LIFR: variants seen among roughly 807,000 people sequenced by gnomAD.
LIFR encodes the protein LIF receptor subunit alpha.
LIFR carries 84 observed loss-of-function variants against 122.2 expected under a neutral mutation model. The observed-to-expected ratio is 0.69, with a 90% CI of 0.58 to 0.82. The LOEUF is 0.82. LIFR is among the 40% of genes least tolerant of loss of function. The probability of loss-of-function intolerance (pLI) is 0.00; values close to 1 mark genes in which losing one functional copy is unlikely to be tolerated. For missense variants in LIFR, 1,294 were observed against 1,311.6 expected, an observed-to-expected ratio of 0.99 and a Z score of 0.21; for synonymous variants, 422 against 434.7, an observed-to-expected ratio of 0.97 and a Z score of 0.36.
chr5:38,520,752 T>C (rs985871349), intron 5 of LIFR, among the ~76,000 whole-genome samples: 1 of 152,172 alleles, frequency 6.6e-6, no homozygotes, highest in African/African-American at 2.4e-5. Flanking sequence ...TATAAAAACA[T>C]AGTTATTTCT....
intron 14 of LIFR, chr5:38,490,885 T>C (rs1311802343): frequency 6.6e-6 from 1 of 152,216 alleles, no homozygotes. Context: ...TTGATTTTAA[T>C]GAACAAAATG....
chr5:38,573,465 G>T (rs1360153199), intron 1 of LIFR, among the ~76,000 whole-genome samples: 5 of 152,216 alleles, frequency 3.3e-5, no homozygotes, highest in African/African-American at 1.2e-4. Context: ...TTGATGCATA[G>T]TAAGCATTCA....
At chr5:38,520,088 C>T (rs922929573) in intron 5 of LIFR, among the ~76,000 whole-genome samples, 2 of 152,134 alleles carry the variant, frequency 1.3e-5, no homozygotes, top group African/African-American at 4.8e-5. Context: ...TTCCCAGTCG[C>T]ATTGTATAAG....
In LIFR at chr5:38,503,871, C is replaced by G. The variant is rs941215040; in HGVS notation, c.1437+105G>C. On this transcript the variant is annotated intron_variant, in intron 10 of 19. Coordinates refer to ENST00000453190, the MANE Select transcript of LIFR (RefSeq NM_001127671.2). ...GTCTTTCTTGGTTCTTAGTAAATCTCTATAATAAATAATCTGAGAGCTTAA... is the reference window on the plus strand; with the variant it reads ...GTCTTTCTTGGTTCTTAGTAAATCTGTATAATAAATAATCTGAGAGCTTAA... 7 of 822,332 alleles carry G rather than the reference C, an allele frequency of 8.5e-6. No individual in the cohort carries two copies. The African/African-American group carries it at 8.6e-5, about 10-fold the overall frequency. The allele number at this position is 822,332 out of a possible 1,614,324, so 50.9% of individuals were successfully genotyped here.
At position 38,510,469 on chromosome 5, in the gene LIFR, G is replaced by A. The variant is rs1198392723; in HGVS notation, c.986C>T (p.Ala329Val). 1 of 1,612,160 alleles carries A rather than the reference G, an allele frequency of 6.2e-7. No homozygotes were observed. The highest frequency in any genetic ancestry group is 1.7e-5 in the Admixed American group (1 of 59,992). The change falls in exon 7 of 20, where the codon GCT (alanine) becomes GTT (valine). Residue 329 changes from alanine to valine, a missense_variant. Physicochemically the swap from Ala to Val is moderately conservative, Grantham distance 64. Transcript: ENST00000453190. ...CTTTAAAATCATATACTTACATCCAGCAAAAATAACGGTTCCAAATATGTT... is the reference window on the plus strand; with the variant it reads ...CTTTAAAATCATATACTTACATCCAACAAAAATAACGGTTCCAAATATGTT... ...EDNIFGTVIF[A>V]GYPPDTPQQL...
chr5:38,483,488 C>CAG (rs1488058286), intron 18 of LIFR, among the ~76,000 whole-genome samples: 3 of 151,922 alleles, frequency 2.0e-5, no homozygotes, highest in African/African-American at 7.3e-5. Context: ...GTGGTGCAAT[C>CAG]TTGACTCACT....
chr5:38,487,832 ATCCTC>A (rs1744371948), intron 16 of LIFR, among the ~76,000 whole-genome samples: 1 of 152,172 alleles, frequency 6.6e-6, no homozygotes, highest in African/African-American at 2.4e-5. Flanking sequence ...GACCAGATTG[ATCCTC>A]ACCACTCAGC....
intron 13 of LIFR, 105 bp downstream of exon 13, chr5:38,496,277 C>CGAG: frequency 1.1e-6 from 1 of 903,198 alleles, no homozygotes; most frequent in South Asian, 1.3e-5. Flanking sequence ...TCAGCAGCAA[C>CGAG]AAGGTATACG....
chr5:38,478,655 A>G lies in LIFR; in HGVS notation c.*2940T>C. 5.1e-6 allele frequency: 1 copy of G among 197,044 alleles called. No homozygotes were observed. The highest frequency in any genetic ancestry group is 1.1e-5 in the Non-Finnish European group (1 of 94,570). 12.2% of individuals were successfully genotyped at this position (197,044 alleles called of 1,614,324 possible). On this transcript the variant is annotated 3_prime_UTR_variant, in exon 20 of 20. Coordinates refer to ENST00000453190, the MANE Select transcript of LIFR (RefSeq NM_001127671.2). ...GGTCACTCATAAAAGAAATGTAGTC[A>G]TAATAAGCCCCATAATGATCTCCAT...
rs1234256365 is a variant in LIFR, at chr5:38,511,830, G to C, written c.696C>G (p.Leu232=). The change falls in exon 6 of 20, where the codon CTC becomes CTG. Residue 232 remains leucine, a synonymous_variant. Coordinates refer to ENST00000453190, the MANE Select transcript of LIFR (RefSeq NM_001127671.2). ...CAGGGCTCCAGTCACTCCACTCTTC[G>C]AGACCAGAAAAATGAAGATTGTCAA... ...CYIDNLHFSG[L]EEWSDWSPVK... 1 of 1,613,910 alleles carries C rather than the reference G, an allele frequency of 6.2e-7. No individual in the cohort carries two copies. The highest frequency in any genetic ancestry group is 8.5e-7 in the Non-Finnish European group (1 of 1,179,944).
chr5:38,529,815 C>G (rs1247418340), intron 2 of LIFR, among the ~76,000 whole-genome samples: 1 of 151,926 alleles, frequency 6.6e-6, no homozygotes, highest in Admixed American at 6.6e-5. Context: ...ATTTATATGA[C>G]AGAAAAACAA....
chr5:38,521,142 C>G (rs1746375788), intron 5 of LIFR, among the ~76,000 whole-genome samples: 1 of 152,066 alleles, frequency 6.6e-6, no homozygotes, highest in Non-Finnish European at 1.5e-5. Flanking sequence ...AGAGATCTTC[C>G]AACTACTTGG....
intron 1 of LIFR, among the ~76,000 whole-genome samples, chr5:38,551,909 T>C (rs979851739): frequency 1.3e-5 from 2 of 152,164 alleles, no homozygotes; most frequent in African/African-American, 4.8e-5. Flanking sequence ...TAAGACAAAT[T>C]TGCAATTCCC....
At chr5:38,570,018 T>C (rs1244893961) in intron 1 of LIFR, among the ~76,000 whole-genome samples, 1 of 152,288 alleles carries the variant, frequency 6.6e-6, no homozygotes, top group Admixed American at 6.5e-5. Context: ...CTAGATGATA[T>C]CCTGAGTGGC....
chr5:38,550,778 A>T (rs1748159287), intron 1 of LIFR, among the ~76,000 whole-genome samples: 1 of 152,144 alleles, frequency 6.6e-6, no homozygotes, highest in African/African-American at 2.4e-5. Context: ...CCTGCACTTA[A>T]AGAGTCCGAA....
At chr5:38,495,740 C>T (rs550365434) in intron 13 of LIFR, among the ~76,000 whole-genome samples, 1 of 152,014 alleles carries the variant, frequency 6.6e-6, no homozygotes, top group Non-Finnish European at 1.5e-5. Context: ...TGGAAGTGGC[C>T]GTTTAAAGCT....
chr5:38,592,851 C>T (rs897785645), intron 1 of LIFR, among the ~76,000 whole-genome samples: 29 of 152,000 alleles, frequency 1.9e-4, no homozygotes, highest in African/African-American at 6.8e-4. Flanking sequence ...TAGTAGCTGA[C>T]TATTTCAGCA....
intron 1 of LIFR, among the ~76,000 whole-genome samples, chr5:38,594,409 G>C (rs774794891): frequency 3.3e-5 from 5 of 152,092 alleles, no homozygotes. Flanking sequence ...TGCACAACAC[G>C]AAGAGTATAC....
Position 38,482,657 on chromosome 5 carries a change from T to C in LIFR, c.2602A>G (p.Thr868Ala). 1 of 1,411,094 alleles carries C rather than the reference T, an allele frequency of 7.1e-7. No homozygotes were observed. The highest frequency in any genetic ancestry group is 9.7e-7 in the Non-Finnish European group (1 of 1,027,656). 87.4% of individuals were successfully genotyped at this position (1,411,094 alleles called of 1,614,324 possible). ...GGATTTGGAATATCAGGGTAGAAGG[T>C]TTCTTTAATCCTTTAAATAAAAAAT... is the stretch of plus-strand genomic sequence containing the variant. ...CYRKREWIKE[T>A]FYPDIPNPEN... The change falls in exon 19 of 20, where the codon ACC becomes GCC. Residue 868 changes from threonine to alanine, a missense_variant. By Grantham distance (58) the Thr-to-Ala change is moderately conservative. Coordinates refer to ENST00000453190, the MANE Select transcript of LIFR (RefSeq NM_001127671.2).
Sources: gnomAD v4.1 joint callset for allele counts (sites outside exome capture counted in the v4.1 genomes callset) on GRCh38, gnomAD v4.1.1 for gene constraint, MANE v1.5 for transcripts, NCBI Gene and HGNC (gene_info 2026-07-23, HGNC 2026-07-21) for gene names.